The following ESR1 variants were observed in gnomAD, a reference collection of about 807,000 sequenced individuals.
ESR1 encodes estrogen receptor.
In ESR1, 12 loss-of-function variants were observed where a neutral mutation model predicts 52.7. That is an observed-to-expected ratio of 0.23 (90% CI 0.15 to 0.37). The LOEUF (loss-of-function observed/expected upper bound fraction) is 0.37. Among genes scored for constraint, ESR1 ranks in the 10% least tolerant of loss-of-function variants. The probability of loss-of-function intolerance (pLI) is 1.00; values close to 1 mark genes in which losing one functional copy is unlikely to be tolerated. For missense variants in ESR1, 584 were observed against 779.7 expected (o/e 0.75, Z 2.99); for synonymous variants, 305 against 316.8 (o/e 0.96, Z 0.39).
intron 6 of ESR1, among the ~76,000 whole-genome samples, chr6:152,089,755 T>C (rs943147535): frequency 6.6e-6 from 1 of 152,164 alleles, no homozygotes; most frequent in Non-Finnish European, 1.5e-5. Flanking sequence ...ATTTTTGTAA[T>C]TTTAGTAGAG....
At chr6:151,936,266 T>G (rs1055289810) in intron 3 of ESR1, 2 of 152,166 alleles carry the variant, frequency 1.3e-5, no homozygotes, top group African/African-American at 4.8e-5. Flanking sequence ...CATAGTTCAT[T>G]CTAAGGCTTG....
intron 3 of ESR1, among the ~76,000 whole-genome samples, chr6:151,883,527 T>G (rs1350757415): frequency 6.6e-6 from 1 of 151,956 alleles, no homozygotes; most frequent in Admixed American, 6.5e-5. Flanking sequence ...CTCTTTCTCT[T>G]CTCACAAGCC....
At chr6:151,924,490 A>T in intron 3 of ESR1, among the ~76,000 whole-genome samples, 1 of 151,910 alleles carries the variant, frequency 6.6e-6, no homozygotes, top group Non-Finnish European at 1.5e-5. Context: ...AATACAGGCA[A>T]ATTTGTGTCA....
upstream of ESR1, chr6:151,807,611 C>G (rs969579746): frequency 3.8e-6 from 2 of 532,484 alleles, no homozygotes; most frequent in African/African-American, 3.8e-5. Context: ...CCCTGGCCGT[C>G]CTCCAGCACC....
intron 2 of ESR1, among the ~76,000 whole-genome samples, chr6:151,869,850 G>A (rs577293256): frequency 3.9e-5 from 6 of 152,228 alleles, no homozygotes; most frequent in African/African-American, 1.4e-4. Flanking sequence ...GGAGGTGGTG[G>A]TTGTCACTGA....
chr6:151,701,390 G>A (rs924690305), intron 1 of ESR1, among the ~76,000 whole-genome samples: 2 of 151,728 alleles, frequency 1.3e-5, no homozygotes, highest in East Asian at 1.9e-4. Context: ...GCTGGCGGGC[G>A]TGGTGGTGTG....
At chr6:151,736,671 G>A (rs776066983) in intron 2 of ESR1, among the ~76,000 whole-genome samples, 1 of 151,954 alleles carries the variant, frequency 6.6e-6, no homozygotes. Flanking sequence ...GAGCCACCGC[G>A]CCTGGCCCAG....
chr6:151,946,382 A>C (rs1224633123), intron 4 of ESR1, among the ~76,000 whole-genome samples: 1 of 152,212 alleles, frequency 6.6e-6, no homozygotes, highest in Non-Finnish European at 1.5e-5. Context: ...AGAGCATTTT[A>C]AACAACTGGA....
At chr6:151,905,863 A>G (rs1007364194) in intron 3 of ESR1, among the ~76,000 whole-genome samples, 1 of 152,204 alleles carries the variant, frequency 6.6e-6, no homozygotes, top group Admixed American at 6.5e-5. Flanking sequence ...ATGTCCCACA[A>G]TCATGCCTGA....
At chr6:151,849,311 G>A (rs930812005) in intron 2 of ESR1, among the ~76,000 whole-genome samples, 2 of 152,108 alleles carry the variant, frequency 1.3e-5, no homozygotes, top group Non-Finnish European at 2.9e-5. Flanking sequence ...GTCATGTTGG[G>A]CACGTCCCTA....
At chr6:152,128,889 G>A (rs2054452207) in exon 7 of ESR1, 1 of 152,200 alleles carries the variant, frequency 6.6e-6, no homozygotes, top group East Asian at 1.9e-4. Flanking sequence ...CAGAGGTACC[G>A]ACGGTAACGA....
chr6:151,731,722 G>A (rs1044401320), intron 2 of ESR1, among the ~76,000 whole-genome samples: 7 of 152,054 alleles, frequency 4.6e-5, no homozygotes, highest in African/African-American at 1.7e-4. Flanking sequence ...TGAGTTGCAG[G>A]GTCTTTGGTT....
intron 4 of ESR1, among the ~76,000 whole-genome samples, chr6:151,963,955 C>T (rs763067038): frequency 6.6e-6 from 1 of 152,106 alleles, no homozygotes; most frequent in South Asian, 2.1e-4. Flanking sequence ...ATTCTTGGCA[C>T]TTTTGTTGTA....
chr6:151,826,858 T>A (rs909220171), intron 1 of ESR1, among the ~76,000 whole-genome samples: 1 of 152,188 alleles, frequency 6.6e-6, no homozygotes, highest in African/African-American at 2.4e-5. Flanking sequence ...TTGGGAAAGA[T>A]TCCATTACAC....
At chr6:151,869,056 A>C (rs1336608165) in intron 2 of ESR1, among the ~76,000 whole-genome samples, 1 of 151,160 alleles carries the variant, frequency 6.6e-6, no homozygotes. Context: ...GGACTTATTT[A>C]TGAGTCTGGG....
At chr6:151,939,778 TG>T (rs1001604543) in intron 3 of ESR1, among the ~76,000 whole-genome samples, 15 of 152,280 alleles carry the variant, frequency 9.9e-5, no homozygotes, top group African/African-American at 2.9e-4. Flanking sequence ...TTTATATTAT[TG>T]TTTTTTTGTT....
chr6:151,782,815 T>G (rs917590866), intron 2 of ESR1, among the ~76,000 whole-genome samples: 1 of 152,224 alleles, frequency 6.6e-6, no homozygotes, highest in Non-Finnish European at 1.5e-5. Flanking sequence ...CAAAGGCAAC[T>G]GAAACGTTAA....
At chr6:152,009,817 A>G (rs2042622112) in intron 4 of ESR1, among the ~76,000 whole-genome samples, 3 of 152,154 alleles carry the variant, frequency 2.0e-5, no homozygotes. Context: ...ATAGCCAAAA[A>G]CTAGAAACAA....
intron 4 of ESR1, among the ~76,000 whole-genome samples, chr6:151,956,369 G>C (rs1562593194): frequency 1.3e-5 from 2 of 152,164 alleles, no homozygotes; most frequent in Non-Finnish European, 2.9e-5. Context: ...TACTGTACCA[G>C]TTATTTCATG....
Sources: allele counts gnomAD v4.1 joint callset (sites outside exome capture counted in the v4.1 genomes callset), GRCh38; gene constraint gnomAD v4.1.1; transcripts MANE v1.5; gene names NCBI Gene and HGNC (gene_info 2026-07-23, HGNC 2026-07-21).